The following POLH variants were observed in gnomAD, a reference collection of about 807,000 sequenced individuals.
POLH encodes the protein DNA polymerase eta.
In POLH, 53 loss-of-function variants were observed where a neutral mutation model predicts 73.6. The ratio of observed to expected loss-of-function variants is 0.72; its 90% CI spans 0.58 to 0.91. POLH has a LOEUF of 0.91. Ranked by LOEUF, POLH falls within the 40% of genes least tolerant of loss-of-function variation. POLH has a pLI of 0.00. For missense variants in POLH, 768 were observed against 865.4 expected (o/e 0.89, Z 1.41); for synonymous variants, 292 against 308.5 (o/e 0.95, Z 0.56).
chr6:43,589,127 C>T (rs1370868738), intron 4 of POLH, among the ~76,000 whole-genome samples: 2 of 152,226 alleles, frequency 1.3e-5, no homozygotes, highest in Admixed American at 6.5e-5. Context: ...TGTGAGCCAC[C>T]GTGCCCGGCC....
At chr6:43,585,203 G>C (rs1764668248) in intron 3 of POLH, among the ~76,000 whole-genome samples, 1 of 152,104 alleles carries the variant, frequency 6.6e-6, no homozygotes, top group African/African-American at 2.4e-5. Flanking sequence ...ATGTGAGAAG[G>C]GGTGCGGAGC....
In POLH at chr6:43,614,580, A is replaced by G. The variant is rs1486196057; in HGVS notation, c.*23A>G. The G allele has an allele frequency of 3.1e-6, 5 of 1,590,004 alleles. No individual in the cohort carries two copies. In the South Asian group the frequency reaches 3.3e-5, roughly 11 times the overall value. On this transcript the variant is annotated 3_prime_UTR_variant, in exon 11 of 11. Transcript: ENST00000372236. ...TAGTGCTGCCCTCAGGCTTGCCTGTAGGATTTAATATTTTTTATCTTTACA... is the reference window on the plus strand; with the variant it reads ...TAGTGCTGCCCTCAGGCTTGCCTGTGGGATTTAATATTTTTTATCTTTACA...
At chr6:43,604,042 C>G in intron 7 of POLH, 31 bp downstream of exon 7, 11 of 1,575,074 alleles carry the variant, frequency 7.0e-6, no homozygotes, top group African/African-American at 1.3e-5. Context: ...AAAATCATAA[C>G]CTTTATGGAG....
rs1364575831 is a variant in POLH, at chr6:43,618,300, C to T, written c.*3743C>T. Among the ~76,000 whole-genome samples, 2 of 151,968 alleles carry T rather than the reference C, an allele frequency of 1.3e-5. No homozygotes were observed. Among genetic ancestry groups the T allele is most frequent in the African/African-American group, 4.8e-5 (2 of 41,382 alleles). Reference sequence around the variant, plus strand: ...CTTCCCGAATAGCTGAGACTACAAGCGTGCACCACCATGCCCAGCTAATTT... The same window carrying T: ...CTTCCCGAATAGCTGAGACTACAAGTGTGCACCACCATGCCCAGCTAATTT... On this transcript the variant is annotated 3_prime_UTR_variant, in exon 11 of 11. Coordinates refer to ENST00000372236, the MANE Select transcript of POLH (RefSeq NM_006502.3).
chr6:43,579,802 T>C (rs1328995902), intron 1 of POLH, among the ~76,000 whole-genome samples: 1 of 152,214 alleles, frequency 6.6e-6, no homozygotes, highest in Non-Finnish European at 1.5e-5. Flanking sequence ...ACTTGGTGTC[T>C]GCTGCAGAAT....
At chr6:43,586,934 A>G (rs1263689668) in intron 3 of POLH, among the ~76,000 whole-genome samples, 1 of 152,306 alleles carries the variant, frequency 6.6e-6, no homozygotes, top group East Asian at 1.9e-4. Flanking sequence ...AATAAAAGGA[A>G]TAGGTGATCA....
At chr6:43,601,160 T>C in intron 6 of POLH, 69 bp downstream of exon 6, 4 of 1,106,732 alleles carry the variant, frequency 3.6e-6, no homozygotes, top group South Asian at 1.2e-5. Flanking sequence ...TTGTAGTTTC[T>C]TGTGTTACTA....
intron 5 of POLH, among the ~76,000 whole-genome samples, chr6:43,599,986 C>T (rs1052657381): frequency 6.6e-6 from 1 of 151,728 alleles, no homozygotes; most frequent in Non-Finnish European, 1.5e-5. Context: ...TGGAGAAACT[C>T]CGTCTCTACT....
chr6:43,592,195 CA>C (rs1765530079), intron 4 of POLH, among the ~76,000 whole-genome samples: 1 of 152,150 alleles, frequency 6.6e-6, no homozygotes. Flanking sequence ...TGTGCAACCA[CA>C]AAAACCTGAT....
At chr6:43,595,024 C>A (rs1326849801) in intron 4 of POLH, among the ~76,000 whole-genome samples, 2 of 151,988 alleles carry the variant, frequency 1.3e-5, no homozygotes, top group Non-Finnish European at 2.9e-5. Context: ...ATGGTGAAAC[C>A]CCGTCTCTAC....
In POLH at chr6:43,600,652, T is replaced by C. The variant is rs9333545; in HGVS notation, c.661-336T>C. Among the ~76,000 whole-genome samples, 2,797 of 152,242 alleles carry C rather than the reference T, an allele frequency of 0.018. 103 individuals are homozygous for C. The highest frequency in any genetic ancestry group is 0.063 in the African/African-American group (2,610 of 41,530). On this transcript the variant is annotated intron_variant, in intron 5 of 10. Transcript: ENST00000372236. ...ATTTTTGTATAGACATACTGAGAAATGCATCTTGCTTGAGTTTCTCCTGCA... is the reference window on the plus strand; with the variant it reads ...ATTTTTGTATAGACATACTGAGAAACGCATCTTGCTTGAGTTTCTCCTGCA...
At chr6:43,577,557 CTGATTT>C (rs754566767) in intron 1 of POLH, among the ~76,000 whole-genome samples, 19 of 151,854 alleles carry the variant, frequency 1.3e-4, no homozygotes, top group Non-Finnish European at 1.6e-4. Context: ...TTTGACTGCT[CTGATTT>C]TAATTATTTT....
In POLH at chr6:43,597,797, G is replaced by A. The variant is rs1180005180; in HGVS notation, c.592G>A (p.Glu198Lys). The change falls in exon 5 of 11, where the codon GAG becomes AAG. Residue 198 changes from glutamate to lysine, a missense_variant. Glu to Lys is a moderately conservative substitution (Grantham distance 56). Coordinates refer to ENST00000372236, the MANE Select transcript of POLH (RefSeq NM_006502.3). ...GCTCACCGTGGGAGCAGTGATTGTG[G>A]AGGAAATGAGAGCAGCCATAGAGAG... Reference protein sequence around the residue: ...LQLTVGAVIVEEMRAAIERET... With the variant: ...LQLTVGAVIVKEMRAAIERET... 2 of 1,613,992 alleles carry A rather than the reference G, an allele frequency of 1.2e-6. No individual in the cohort carries two copies. The highest frequency in any genetic ancestry group is 4.5e-5 in the East Asian group (2 of 44,882).
At chr6:43,579,419 T>C (rs78825821) in intron 1 of POLH, among the ~76,000 whole-genome samples, 6,971 of 152,218 alleles carry the variant, frequency 0.046, 531 homozygotes, top group African/African-American at 0.16. Context: ...CCAATGAAGT[T>C]TCCATAAAAG....
intron 7 of POLH, among the ~76,000 whole-genome samples, 191 bp from the exon 8 acceptor site, chr6:43,604,424 T>C (rs930801338): frequency 7.9e-5 from 12 of 152,230 alleles, no homozygotes; most frequent in African/African-American, 2.7e-4. Context: ...GTGTTCTCAT[T>C]GTCCATATAT....
At chr6:43,580,160 C>T (rs1481108573) in intron 1 of POLH, among the ~76,000 whole-genome samples, 1 of 147,864 alleles carries the variant, frequency 6.8e-6, no homozygotes, top group Non-Finnish European at 1.5e-5. Flanking sequence ...GCACATCTTA[C>T]ACCGCCCTTA....
In POLH at chr6:43,619,079, A is replaced by C. The variant is rs1768537378; in HGVS notation, c.*4522A>C. ...TGCTTTTATGATACTTGAATATCTA[A>C]TAAAAGACAATATTTAGCCAGTCAC... On this transcript the variant is annotated 3_prime_UTR_variant, in exon 11 of 11. Coordinates refer to ENST00000372236, the MANE Select transcript of POLH (RefSeq NM_006502.3). Among the ~76,000 whole-genome samples the C allele has an allele frequency of 6.6e-6, 1 of 152,124 alleles. No individual in the cohort carries two copies. The highest frequency in any genetic ancestry group is 2.4e-5 in the African/African-American group (1 of 41,418).
intron 4 of POLH, among the ~76,000 whole-genome samples, chr6:43,596,182 A>T (rs558129727): frequency 2.0e-5 from 3 of 152,280 alleles, no homozygotes; most frequent in Admixed American, 6.5e-5. Context: ...AAAGAAGAAC[A>T]GAGTTAAGGG....
rs992163398 is a variant in POLH, at chr6:43,617,644, T to C, written c.*3087T>C. Among the ~76,000 whole-genome samples the C allele has an allele frequency of 6.6e-6, 1 of 151,148 alleles. No individual in the cohort carries two copies. The highest frequency in any genetic ancestry group is 1.5e-5 in the Non-Finnish European group (1 of 67,850). On this transcript the variant is annotated 3_prime_UTR_variant, in exon 11 of 11. Transcript: ENST00000372236. ...TGTTTAAAAAAAAAAAAATTCCCAATGTGGGCCGGGTGCAGTGGCTCATGC... is the reference window on the plus strand; with the variant it reads ...TGTTTAAAAAAAAAAAAATTCCCAACGTGGGCCGGGTGCAGTGGCTCATGC...
Sources: allele counts gnomAD v4.1 joint callset (sites outside exome capture counted in the v4.1 genomes callset), GRCh38; gene constraint gnomAD v4.1.1; transcripts MANE v1.5; gene names NCBI Gene and HGNC (gene_info 2026-07-23, HGNC 2026-07-21).